The following TBCB variants were observed in gnomAD, a reference collection of about 807,000 sequenced individuals.
TBCB encodes the protein tubulin-folding cofactor B.
Under a neutral mutation model 29.2 loss-of-function variants are expected in TBCB, and 18 were observed. The observed-to-expected ratio is 0.62, with a 90% CI of 0.43 to 0.91. The LOEUF is 0.91. TBCB is among the 40% of genes least tolerant of loss of function. The pLI, the probability that TBCB is intolerant of heterozygous loss-of-function variation, is 0.00. For missense variants in TBCB, 336 were observed against 337.6 expected, an observed-to-expected ratio of 1.00 and a Z score of 0.04; for synonymous variants, 172 against 137.8, an observed-to-expected ratio of 1.25 and a Z score of -1.74.
At chr19:36,122,603 T>G (rs981113904) in intron 4 of TBCB, among the ~76,000 whole-genome samples, 1 of 149,210 alleles carries the variant, frequency 6.7e-6, no homozygotes, top group Non-Finnish European at 1.5e-5. Context: ...CCACAAAACT[T>G]TTGTCAGTTG....
At position 36,124,393 on chromosome 19, in the gene TBCB, G is replaced by A. The variant is rs148196307; in HGVS notation, c.548-1058G>A. Reference sequence around the variant, plus strand: ...GCGCTACAACACCTGGCTAATTTCTGTATTTTTAGTAGAGACAGGGTTTTG... The same window carrying A: ...GCGCTACAACACCTGGCTAATTTCTATATTTTTAGTAGAGACAGGGTTTTG... On this transcript the variant is annotated intron_variant, in intron 4 of 5. Coordinates refer to ENST00000221855, the MANE Select transcript of TBCB (RefSeq NM_001281.3). Among the ~76,000 whole-genome samples the A allele has an allele frequency of 1.1e-3, 159 of 151,128 alleles. 2 individuals are homozygous for A. The highest frequency in any genetic ancestry group is 1.7e-3 in the Non-Finnish European group (116 of 67,792).
At chr19:36,124,259 G>A (rs914534732) in intron 4 of TBCB, among the ~76,000 whole-genome samples, 5 of 152,168 alleles carry the variant, frequency 3.3e-5, no homozygotes, top group Non-Finnish European at 7.3e-5. Flanking sequence ...GTCTCACTCC[G>A]TCACCCAGGC....
Position 36,121,531 on chromosome 19 carries a change from G to C in TBCB, c.360G>C (p.Thr120=). The C allele has an allele frequency of 7.1e-6, 11 of 1,556,318 alleles. No individual in the cohort carries two copies. Among genetic ancestry groups the C allele is most frequent in the Non-Finnish European group, 9.5e-6 (11 of 1,152,796 alleles). ...SQEAYDQRQD[T]VRSFLKRSKL... ...CCCAGCCCCCTCTGCCCACAGACAC[G>C]GTCCGCTCTTTCCTGAAGCGCAGCA... The change falls in exon 4 of 6, where the codon ACG becomes ACC. Residue 120 remains threonine (T), a synonymous_variant. Coordinates refer to ENST00000221855, the MANE Select transcript of TBCB (RefSeq NM_001281.3).
Position 36,116,156 on chromosome 19 carries a change from A to G in TBCB, c.230A>G (p.Tyr77Cys), listed in dbSNP as rs1342243052. The G allele has an allele frequency of 1.2e-6, 2 of 1,614,082 alleles. No individual in the cohort carries two copies. The highest frequency in any genetic ancestry group is 8.5e-7 in the Non-Finnish European group (1 of 1,180,002). ...CAAGAGGATGCGCTCCTGGGCTCCT[A>G]CCCTGTAGATGACGGCTGCCGCATC... ...LDQEDALLGS[Y>C]PVDDGCRIHV... The change falls in exon 2 of 6, where the codon TAC (tyrosine) becomes TGC (cysteine). Residue 77 changes from tyrosine to cysteine, a missense_variant. Tyr to Cys is a radical substitution (Grantham distance 194, BLOSUM62 -2). Coordinates refer to ENST00000221855, the MANE Select transcript of TBCB (RefSeq NM_001281.3).
At chr19:36,115,004 C>T (rs933177171), upstream of TBCB, 1 of 741,644 alleles carries the variant, frequency 1.3e-6, no homozygotes, top group African/African-American at 1.8e-5. Flanking sequence ...GGGCTCGGCT[C>T]TCTCCGCGCA....
In TBCB at chr19:36,120,770, T is replaced by C. The variant is rs780733137; in HGVS notation, c.319T>C (p.Tyr107His). 1.9e-6 allele frequency: 3 copies of C among 1,613,500 alleles called. No homozygotes were observed. Among genetic ancestry groups the C allele is most frequent in the African/African-American group, 2.7e-5 (2 of 74,718 alleles). ...EYEDVSRVEKYTISQEAYDQR... is the reference protein window; with the variant it reads ...EYEDVSRVEKHTISQEAYDQR... Reference sequence around the variant, plus strand: ...TGAGGACGTGTCCCGGGTGGAGAAGTACACGATCTCACAAGAAGCCTACGA... The same window carrying C: ...TGAGGACGTGTCCCGGGTGGAGAAGCACACGATCTCACAAGAAGCCTACGA... The change falls in exon 3 of 6, where the codon TAC (tyrosine) becomes CAC (histidine). Residue 107 changes from tyrosine to histidine, a missense_variant. Transcript: ENST00000221855.
In TBCB at chr19:36,116,199, T is replaced by TA. The variant is rs1255485043; in HGVS notation, c.258+15_258+16insA. On this transcript the variant is annotated intron_variant, in intron 2 of 5. Coordinates refer to ENST00000221855, the MANE Select transcript of TBCB (RefSeq NM_001281.3). ...GCCGCATCCACGTGAGGACTCTCTA[T>TA]CTGGGACACTCCCCCACCCCACCTT... 6.2e-7 allele frequency: 1 copy of TA among 1,611,834 alleles called. No homozygotes were observed. Among genetic ancestry groups the TA allele is most frequent in the South Asian group, 1.1e-5 (1 of 90,988 alleles).
Position 36,115,675 on chromosome 19 carries a change from G to T in TBCB, c.114+1G>T. On this transcript the variant is annotated splice_donor_variant, in intron 1 of 5. Transcript: ENST00000221855. LOFTEE classifies it high-confidence loss of function. ...CAGCCTCACCATCGCTGAGTTCAAGGTGTGGCCATGGGGGCGGGGTCCGGA... is the reference window on the plus strand; with the variant it reads ...CAGCCTCACCATCGCTGAGTTCAAGTTGTGGCCATGGGGGCGGGGTCCGGA... 6.3e-7 allele frequency: 1 copy of T among 1,594,432 alleles called. No individual in the cohort carries two copies. The highest frequency in any genetic ancestry group is 8.5e-7 in the Non-Finnish European group (1 of 1,170,710).
At chr19:36,120,553 C>T (rs1599864477) in intron 2 of TBCB, 157 bp from the exon 3 acceptor site, 4 of 607,178 alleles carry the variant, frequency 6.6e-6, no homozygotes, top group Non-Finnish European at 8.7e-6. Context: ...GTAGCTACTT[C>T]TCCCTTCCGC....
At chr19:36,118,120 A>G (rs1973986121) in intron 2 of TBCB, among the ~76,000 whole-genome samples, 2 of 152,186 alleles carry the variant, frequency 1.3e-5, no homozygotes, top group African/African-American at 2.4e-5. Flanking sequence ...CCCAGTCTAC[A>G]TGACTCTAGA....
upstream of TBCB, chr19:36,115,075 G>A: frequency 1.7e-6 from 1 of 598,812 alleles, no homozygotes; most frequent in East Asian, 2.8e-5. Context: ...CAATTTTTGG[G>A]CATCGCCGCC....
chr19:36,120,315 A>G (rs534129652), intron 2 of TBCB, among the ~76,000 whole-genome samples: 3 of 152,286 alleles, frequency 2.0e-5, no homozygotes, highest in Middle Eastern at 3.4e-3. Flanking sequence ...CAGAACAGGA[A>G]GAGATGCTCT....
At chr19:36,118,046 A>T (rs182578152) in intron 2 of TBCB, 1 of 152,340 alleles carries the variant, frequency 6.6e-6, no homozygotes, top group African/African-American at 2.4e-5. Flanking sequence ...GATTACAGGC[A>T]TGAGCCACCG....
chr19:36,124,035 T>G (rs1422657610), intron 4 of TBCB, among the ~76,000 whole-genome samples: 1 of 152,154 alleles, frequency 6.6e-6, no homozygotes, highest in Admixed American at 6.6e-5. Flanking sequence ...CCGCCAGCAG[T>G]GCAGAAGGGT....
At position 36,115,673 on chromosome 19, in the gene TBCB, A is replaced by C; in HGVS notation, c.113A>C (p.Lys38Thr). The C allele has an allele frequency of 2.4e-6, 3 of 1,245,496 alleles. No individual in the cohort carries two copies. The highest frequency in any genetic ancestry group is 2.1e-6 in the Non-Finnish European group (2 of 939,292). The allele number at this position is 1,245,496 out of a possible 1,614,324, so 77.2% of individuals were successfully genotyped here. The change falls in exon 1 of 6, where the codon AAG becomes ACG. Residue 38 changes from lysine to threonine, a missense_variant and splice_region_variant. Transcript: ENST00000221855. ...YSRSLTIAEFKCKLELLVGSP... is the reference protein window; with the variant it reads ...YSRSLTIAEFTCKLELLVGSP... The stretch of plus-strand genomic sequence containing the variant: ...CGCAGCCTCACCATCGCTGAGTTCA[A>C]GGTGTGGCCATGGGGGCGGGGTCCG...
At chr19:36,120,281 C>CAATG (rs1974022557) in intron 2 of TBCB, among the ~76,000 whole-genome samples, 1 of 152,146 alleles carries the variant, frequency 6.6e-6, no homozygotes, top group South Asian at 2.1e-4. Flanking sequence ...GCTCGGAAAC[C>CAATG]AATGAATGAA....
chr19:36,116,613 C>G (rs1973959459), intron 2 of TBCB: 2 of 159,118 alleles, frequency 1.3e-5, no homozygotes, highest in Admixed American at 6.4e-5. Context: ...CTTTGTGCAT[C>G]CACTCAGTAC....
chr19:36,120,901 G>A (rs1221170128), intron 3 of TBCB, 95 bp downstream of exon 3: 3 of 1,203,792 alleles, frequency 2.5e-6, no homozygotes, highest in Non-Finnish European at 3.6e-6. Flanking sequence ...CTGCAGGGAG[G>A]CCAGTGGTGT....
At position 36,116,148 on chromosome 19, in the gene TBCB, G is replaced by C. The variant is rs755669359; in HGVS notation, c.222G>C (p.Leu74=). 6.2e-7 allele frequency: 1 copy of C among 1,614,150 alleles called. No individual in the cohort carries two copies. ...AGCTGGATCAAGAGGATGCGCTCCT[G>C]GGCTCCTACCCTGTAGATGACGGCT... ...YSKLDQEDAL[L]GSYPVDDGCR... Residue 74 remains leucine, a synonymous_variant, in exon 2 of 6, where the codon CTG becomes CTC. Transcript: ENST00000221855.
Sources: gnomAD v4.1 joint callset for allele counts (sites outside exome capture counted in the v4.1 genomes callset) on GRCh38, gnomAD v4.1.1 for gene constraint, MANE v1.5 for transcripts, NCBI Gene and HGNC (gene_info 2026-07-23, HGNC 2026-07-21) for gene names.